The following MRPS22 variants were observed in gnomAD, a reference collection of about 807,000 sequenced individuals.
MRPS22 encodes the protein mitochondrial ribosomal protein S22, also known as small ribosomal subunit protein mS22.
In MRPS22, 30 loss-of-function variants were observed where a neutral mutation model predicts 44.0. The ratio of observed to expected loss-of-function variants is 0.68; its 90% confidence interval spans 0.51 to 0.93. The LOEUF (loss-of-function observed/expected upper bound fraction) is 0.93. Ranked by LOEUF, MRPS22 falls within the 40% of genes least tolerant of loss-of-function variation. The pLI is 0.00. For missense variants in MRPS22, 447 were observed against 447.8 expected, an observed-to-expected ratio of 1.00 and a Z score of 0.02; for synonymous variants, 165 against 154.4, an observed-to-expected ratio of 1.07 and a Z score of -0.51.
Position 139,344,032 on chromosome 3 carries a change from G to C in MRPS22, c.6G>C (p.Ala2=). 2 of 1,614,130 alleles carry C rather than the reference G, an allele frequency of 1.2e-6. No homozygotes were observed. The highest frequency in any genetic ancestry group is 1.1e-5 in the South Asian group (1 of 91,084). Residue 2 remains alanine (A), a synonymous_variant, in exon 1 of 8, where the codon GCG becomes GCC. Coordinates refer to ENST00000680020, the MANE Select transcript of MRPS22 (RefSeq NM_020191.4). ...GCAAGTGGCTTCTGATAATCATGGC[G>C]CCCCTCGGAACAACTGTATTGCTGT... The part of the protein sequence containing the change: M[A]PLGTTVLLWS...
chr3:139,351,102 T>G, intron 5 of MRPS22, 42 bp downstream of exon 5: 1 of 1,437,764 alleles, frequency 7.0e-7, no homozygotes, highest in South Asian at 1.1e-5. Flanking sequence ...TTAAGTATGG[T>G]TATGAGTAAG....
At position 139,348,283 on chromosome 3, in the gene MRPS22, A is replaced by C. The variant is rs772062738; in HGVS notation, c.463A>C (p.Lys155Gln). ...DKILEGTETTKYVFTDISYSI... is the reference protein window; with the variant it reads ...DKILEGTETTQYVFTDISYSI... ...GATTTTGGAAGGAACAGAAACAACC[A>C]AATATGTGTTTACTGATATATCATA... Residue 155 changes from lysine to glutamine, a missense_variant, in exon 3 of 8, where the codon AAA (lysine) becomes CAA (glutamine). By Grantham distance (53) the Lys-to-Gln change is moderately conservative. Transcript: ENST00000680020. 2.5e-6 allele frequency: 4 copies of C among 1,614,112 alleles called. No homozygotes were observed. In the South Asian group the frequency reaches 4.4e-5, roughly 18 times the overall value.
At chr3:139,350,736 G>T in intron 4 of MRPS22, 1 of 532,708 alleles carries the variant, frequency 1.9e-6, no homozygotes, top group Non-Finnish European at 3.4e-6. Context: ...ATGCCTGGCC[G>T]ACTTCTTTCT....
chr3:139,348,325 G>A lies in MRPS22; in HGVS notation c.504+1G>A. On this transcript the variant is annotated splice_donor_variant, in intron 3 of 7. Coordinates refer to ENST00000680020, the MANE Select transcript of MRPS22 (RefSeq NM_020191.4). LOFTEE classifies it high-confidence loss of function. ...TATATCATATAGCATACCACACCGGGTGAGTATATGTCTAATCGCAAAATG... is the reference window on the plus strand; with the variant it reads ...TATATCATATAGCATACCACACCGGATGAGTATATGTCTAATCGCAAAATG... 1 of 1,613,534 alleles carries A rather than the reference G, an allele frequency of 6.2e-7. No individual in the cohort carries two copies. Among genetic ancestry groups the A allele is most frequent in the Non-Finnish European group, 8.5e-7 (1 of 1,179,720 alleles).
intron 3 of MRPS22, chr3:139,349,393 C>T: frequency 2.3e-6 from 1 of 428,088 alleles, no homozygotes; most frequent in Non-Finnish European, 4.6e-6. Flanking sequence ...CCTCTGAAAA[C>T]TTGAGAGTCA....
chr3:139,351,361 G>A (rs1475583126), intron 5 of MRPS22: 16 of 388,620 alleles, frequency 4.1e-5, no homozygotes, highest in East Asian at 1.2e-4. Context: ...TCAGTTTACC[G>A]TATAGGAATC....
chr3:139,348,309 T>C lies in MRPS22; in HGVS notation c.489T>C (p.Tyr163=). The stretch of plus-strand genomic sequence containing the variant: ...AATATGTGTTTACTGATATATCATA[T>C]AGCATACCACACCGGGTGAGTATAT... The part of the protein sequence containing the change: ...TTKYVFTDIS[Y]SIPHRERFIV... Residue 163 remains tyrosine (Y), a synonymous_variant, in exon 3 of 8, where the codon TAT becomes TAC. Coordinates refer to ENST00000680020, the MANE Select transcript of MRPS22 (RefSeq NM_020191.4). 6.2e-7 allele frequency: 1 copy of C among 1,614,038 alleles called. No individual in the cohort carries two copies. Among genetic ancestry groups the C allele is most frequent in the Non-Finnish European group, 8.5e-7 (1 of 1,179,956 alleles).
chr3:139,347,186 ATG>A, intron 2 of MRPS22, 142 bp downstream of exon 2: 1 of 1,005,896 alleles, frequency 9.9e-7, no homozygotes, highest in Non-Finnish European at 1.5e-6. Flanking sequence ...GAGAAAAGAA[ATG>A]TGAGTAGGCT....
intron 6 of MRPS22, among the ~76,000 whole-genome samples, chr3:139,353,603 G>A (rs936493857): frequency 2.0e-5 from 3 of 152,148 alleles, no homozygotes; most frequent in Non-Finnish European, 4.4e-5. Flanking sequence ...AAGGCATGTG[G>A]AACTGAAAGT....
chr3:139,357,071 A>G lies in MRPS22; in HGVS notation c.*57A>G, dbSNP rs1007453766. On this transcript the variant is annotated 3_prime_UTR_variant, in exon 8 of 8. Transcript: ENST00000680020. The stretch of plus-strand genomic sequence containing the variant: ...ATACTGACTACATTTCTCTGTTAAT[A>G]TTGAGCTAAATGTTAAAAAATGGCC... The G allele has an allele frequency of 7.3e-7, 1 of 1,362,286 alleles. No homozygotes were observed. Among genetic ancestry groups the G allele is most frequent in the South Asian group, 1.2e-5 (1 of 81,418 alleles). 84.4% of individuals were successfully genotyped at this position (1,362,286 alleles called of 1,614,324 possible).
Position 139,344,067 on chromosome 3 carries a change from T to G in MRPS22, c.41T>G (p.Leu14Trp), listed in dbSNP as rs1940987211. 1.9e-6 allele frequency: 3 copies of G among 1,614,166 alleles called. No individual in the cohort carries two copies. Among genetic ancestry groups the G allele is most frequent in the Middle Eastern group, 3.3e-4 (2 of 6,062 alleles). The change falls in exon 1 of 8, where the codon TTG becomes TGG. Residue 14 changes from leucine (L) to tryptophan (W), a missense_variant. Leu to Trp is a moderately conservative substitution (Grantham distance 61). Transcript: ENST00000680020. ...ACAACTGTATTGCTGTGGAGCCTCT[T>G]GAGGAGTTCTCCGGGCGTGGAACGG... is the stretch of plus-strand genomic sequence containing the variant. ...LGTTVLLWSL[L>W]RSSPGVERVC...
chr3:139,344,467 A>G, intron 1 of MRPS22: 3 of 612,270 alleles, frequency 4.9e-6, no homozygotes, highest in South Asian at 3.8e-5. Flanking sequence ...TGACACAGAC[A>G]TTTCCCTGTG....
At chr3:139,355,330 T>G (rs534796141) in intron 6 of MRPS22, among the ~76,000 whole-genome samples, 1 of 152,306 alleles carries the variant, frequency 6.6e-6, no homozygotes, top group South Asian at 2.1e-4. Context: ...TACATGCTGG[T>G]GAAGTAAGCT....
chr3:139,347,127 A>G, intron 2 of MRPS22, 83 bp downstream of exon 2: 2 of 1,459,208 alleles, frequency 1.4e-6, no homozygotes, highest in African/African-American at 1.4e-5. Context: ...AGATGCTTAT[A>G]GCTATTCTTC....
In MRPS22 at chr3:139,348,293, TTA is replaced by T; in HGVS notation, c.474_475del (p.Thr159Ter). ...GGAACAGAAACAACCAAATATGTGT[TTA>T]CTGATATATCATATAGCATACCACA... On this transcript the variant is annotated frameshift_variant, in exon 3 of 8. Transcript: ENST00000680020. LOFTEE classifies it high-confidence loss of function. 1 of 1,614,082 alleles carries T rather than the reference TTA, an allele frequency of 6.2e-7. No homozygotes were observed. The highest frequency in any genetic ancestry group is 8.5e-7 in the Non-Finnish European group (1 of 1,179,982).
rs765934394 is a variant in MRPS22 at position 139,352,687 on chromosome 3, A to T, written c.773A>T (p.Lys258Ile). Residue 258 changes from lysine to isoleucine, a missense_variant, in exon 6 of 8, where the codon AAA becomes ATA. Physicochemically the swap from Lys to Ile is moderately radical, Grantham distance 102. Transcript: ENST00000680020. ...KTYEDIDKRG[K>I]YDLLRSTRYF... ...TATGAAGATATAGATAAACGTGGAA[A>T]ATATGACCTTTTACGTTCAACAAGA... The T allele has an allele frequency of 2.5e-6, 4 of 1,613,482 alleles. No individual in the cohort carries two copies. The African/African-American group carries it at 4.0e-5, about 16-fold the overall frequency.
chr3:139,357,134 G>A, downstream of MRPS22: 2 of 823,288 alleles, frequency 2.4e-6, no homozygotes, highest in Non-Finnish European at 4.0e-6. Flanking sequence ...TCCCTACAAA[G>A]CAAAAATTAT....
In MRPS22 at chr3:139,355,756, A is replaced by G. The variant is rs1941240411; in HGVS notation, c.953A>G (p.Lys318Arg). 2 of 1,614,050 alleles carry G rather than the reference A, an allele frequency of 1.2e-6. No individual in the cohort carries two copies. The highest frequency in any genetic ancestry group is 2.7e-5 in the African/African-American group (2 of 74,940). ...GATGGCCAGTCGGCTCAAGGGGCCA[A>G]GGATCAGGCTGCTGAGGGAATAAAT... The part of the protein sequence containing the change: ...HPDGQSAQGA[K>R]DQAAEGINLI... The change falls in exon 7 of 8, where the codon AAG (lysine) becomes AGG (arginine). Residue 318 changes from lysine to arginine, a missense_variant. Transcript: ENST00000680020.
intron 3 of MRPS22, chr3:139,349,050 A>G: frequency 3.3e-6 from 1 of 301,628 alleles, no homozygotes. Flanking sequence ...CTTTTATTAT[A>G]CATGATTATG....
Sources: allele counts gnomAD v4.1 joint callset (sites outside exome capture counted in the v4.1 genomes callset), GRCh38; gene constraint gnomAD v4.1.1; transcripts MANE v1.5; gene names NCBI Gene and HGNC (gene_info 2026-07-23, HGNC 2026-07-21).